RWDD2A: variants seen among roughly 807,000 people sequenced by gnomAD.
RWDD2A encodes RWD domain-containing protein 2A.
A neutral mutation model predicts 23.1 loss-of-function variants in RWDD2A; 15 were observed. That is an observed-to-expected ratio of 0.65 (90% CI 0.43 to 1.00). RWDD2A has a LOEUF of 1.00. Ranked by LOEUF, RWDD2A falls within the 50% of genes least tolerant of loss-of-function variation. The pLI is 0.00. For synonymous variants in RWDD2A, 103 were observed against 123.0 expected (o/e 0.84, Z 1.08); for missense variants, 310 against 341.7 (o/e 0.91, Z 0.73).
At position 83,196,761 on chromosome 6, in the gene RWDD2A, C is replaced by T. The variant is rs969600796; in HGVS notation, c.*489C>T. On this transcript the variant is annotated 3_prime_UTR_variant, in exon 3 of 3. Coordinates refer to ENST00000369724, the MANE Select transcript of RWDD2A (RefSeq NM_033411.5). The stretch of plus-strand genomic sequence containing the variant: ...TTTTTGAGACGGTGCGATCTCGGCT[C>T]ACTGCATCCTCAGCTTCCCAGGTTC... The T allele has an allele frequency of 2.6e-5, 4 of 152,252 alleles. No homozygotes were observed. Among genetic ancestry groups the T allele is most frequent in the African/African-American group, 9.7e-5 (4 of 41,420 alleles). The allele number at this position is 152,252 out of a possible 1,614,324, so 9.4% of individuals were successfully genotyped here. A position where few individuals can be genotyped will look rare whatever the true frequency, so the allele number is the denominator to read the frequency against.
At position 83,194,560 on chromosome 6, in the gene RWDD2A, C is replaced by T. The variant is rs1583311765; in HGVS notation, c.109C>T (p.Leu37=). 1 of 1,614,062 alleles carries T rather than the reference C, an allele frequency of 6.2e-7. No homozygotes were observed. The highest frequency in any genetic ancestry group is 8.5e-7 in the Non-Finnish European group (1 of 1,180,000). ...AGTAAAACTTGAAGATGTAAATGCC[C>T]TGACGAATATAAAGAGGTATTTGGA... is the stretch of plus-strand genomic sequence containing the variant. ...GEVKLEDVNA[L]TNIKRYLEGT... is the part of the protein sequence containing the mutation. Residue 37 remains leucine (L), a synonymous_variant, in exon 2 of 3, where the codon CTG becomes TTG. Coordinates refer to ENST00000369724, the MANE Select transcript of RWDD2A (RefSeq NM_033411.5).
rs1252483575 is a variant in RWDD2A at position 83,196,057 on chromosome 6, A to G, written c.664A>G (p.Lys222Glu). ...RYPNWKHISC[K>E]HAESVETEGN... ...CCCCAATTGGAAGCACATTTCCTGT[A>G]AGCATGCTGAAAGCGTGGAGACAGA... Residue 222 changes from lysine to glutamate, a missense_variant, in exon 3 of 3, where the codon AAG (lysine) becomes GAG (glutamate). Coordinates refer to ENST00000369724, the MANE Select transcript of RWDD2A (RefSeq NM_033411.5). The G allele has an allele frequency of 6.2e-7, 1 of 1,613,736 alleles. No individual in the cohort carries two copies. Among genetic ancestry groups the G allele is most frequent in the Non-Finnish European group, 8.5e-7 (1 of 1,179,730 alleles).
chr6:83,194,579 A>T lies in RWDD2A; in HGVS notation c.128A>T (p.Tyr43Phe). 6.2e-7 allele frequency: 1 copy of T among 1,614,200 alleles called. No individual in the cohort carries two copies. Among genetic ancestry groups the T allele is most frequent in the Non-Finnish European group, 8.5e-7 (1 of 1,180,022 alleles). Residue 43 changes from tyrosine to phenylalanine, a missense_variant, in exon 2 of 3, where the codon TAT becomes TTT. Coordinates refer to ENST00000369724, the MANE Select transcript of RWDD2A (RefSeq NM_033411.5). ...DVNALTNIKR[Y>F]LEGTREALPP... Reference sequence around the variant, plus strand: ...AATGCCCTGACGAATATAAAGAGGTATTTGGAAGGCACAAGGGAGGCGCTG... The same window carrying T: ...AATGCCCTGACGAATATAAAGAGGTTTTTGGAAGGCACAAGGGAGGCGCTG...
Position 83,194,316 on chromosome 6 carries a change from C to G in RWDD2A, c.-136C>G, listed in dbSNP as rs1368561709. ...GTGTCTGGTTTGTGCCCCTAGCTCT[C>G]GGTGCAAAGCGTTCCTGCAGAATTG... is the stretch of plus-strand genomic sequence containing the variant. On this transcript the variant is annotated 5_prime_UTR_variant, in exon 2 of 3. Coordinates refer to ENST00000369724, the MANE Select transcript of RWDD2A (RefSeq NM_033411.5). 1.5e-6 allele frequency: 1 copy of G among 681,176 alleles called. No individual in the cohort carries two copies. The allele number at this position is 681,176 out of a possible 1,614,324, so 42.2% of individuals were successfully genotyped here.
Position 83,196,105 on chromosome 6 carries a change from C to A in RWDD2A, c.712C>A (p.Leu238Ile), listed in dbSNP as rs775824036. Residue 238 changes from leucine to isoleucine, a missense_variant, in exon 3 of 3, where the codon CTT becomes ATT. Physicochemically the swap from Leu to Ile is conservative, Grantham distance 5. Coordinates refer to ENST00000369724, the MANE Select transcript of RWDD2A (RefSeq NM_033411.5). ...ETEGNGEDLR[L>I]FHSFEELLLE... Reference sequence around the variant, plus strand: ...AGAAGGAAATGGTGAGGACCTGCGCCTTTTCCATTCTTTTGAAGAGTTACT... The same window carrying A: ...AGAAGGAAATGGTGAGGACCTGCGCATTTTCCATTCTTTTGAAGAGTTACT... The A allele has an allele frequency of 6.2e-7, 1 of 1,613,716 alleles. No individual in the cohort carries two copies. Among genetic ancestry groups the A allele is most frequent in the Non-Finnish European group, 8.5e-7 (1 of 1,179,890 alleles).
chr6:83,194,558 C>T lies in RWDD2A; in HGVS notation c.107C>T (p.Ala36Val). Residue 36 changes from alanine (A) to valine (V), a missense_variant, in exon 2 of 3, where the codon GCC becomes GTC. Physicochemically the swap from Ala to Val is moderately conservative, Grantham distance 64 (BLOSUM62 0). Transcript: ENST00000369724. The part of the protein sequence containing the change: ...QGEVKLEDVN[A>V]LTNIKRYLEG... ...GAAGTAAAACTTGAAGATGTAAATG[C>T]CCTGACGAATATAAAGAGGTATTTG... 1 of 1,614,006 alleles carries T rather than the reference C, an allele frequency of 6.2e-7. No homozygotes were observed. Among genetic ancestry groups the T allele is most frequent in the Non-Finnish European group, 8.5e-7 (1 of 1,179,970 alleles).
At chr6:83,195,271 G>A (rs1789525108) in intron 2 of RWDD2A, among the ~76,000 whole-genome samples, 2 of 152,128 alleles carry the variant, frequency 1.3e-5, no homozygotes, top group South Asian at 4.1e-4. Context: ...ACTTTTCCAT[G>A]GTAATGCTTT....
rs1226363959 is a variant in RWDD2A, at chr6:83,194,659, A to G, written c.201+7A>G. The G allele has an allele frequency of 6.2e-7, 1 of 1,610,926 alleles. No individual in the cohort carries two copies. Among genetic ancestry groups the G allele is most frequent in the Non-Finnish European group, 8.5e-7 (1 of 1,178,296 alleles). Reference sequence around the variant, plus strand: ...CCAGATTGAAGAGCCCAAGGTAGGTACCCTGATTTAAGTGTTTGCCAGGTG... The same window carrying G: ...CCAGATTGAAGAGCCCAAGGTAGGTGCCCTGATTTAAGTGTTTGCCAGGTG... On this transcript the variant is annotated splice_region_variant and intron_variant, in intron 2 of 2. Coordinates refer to ENST00000369724, the MANE Select transcript of RWDD2A (RefSeq NM_033411.5).
chr6:83,198,389 T>G lies in RWDD2A; in HGVS notation c.*2117T>G, dbSNP rs1228874031. The stretch of plus-strand genomic sequence containing the variant: ...TCTAATTTGAGCATTCTGCAATACT[T>G]TTTTTCCTATCAGGAAAACTAATGC... On this transcript the variant is annotated 3_prime_UTR_variant, in exon 3 of 3. Coordinates refer to ENST00000369724, the MANE Select transcript of RWDD2A (RefSeq NM_033411.5). 6.6e-6 allele frequency: 1 copy of G among 152,166 alleles called. No homozygotes were observed. 9.4% of individuals were successfully genotyped at this position (152,166 alleles called of 1,614,324 possible). A position where few individuals can be genotyped will look rare whatever the true frequency, so the allele number is the denominator to read the frequency against.
rs1789440072 is a variant in RWDD2A at position 83,194,163 on chromosome 6, CT to C, written c.-140-148del. ...ACACCTGTTGAAAGTGCAGATTCCC[CT>C]ATCTAGTGCGGGGTGCGGGAGGCGG... On this transcript the variant is annotated intron_variant, in intron 1 of 2. Coordinates refer to ENST00000369724, the MANE Select transcript of RWDD2A (RefSeq NM_033411.5). The C allele has an allele frequency of 6.1e-5, 20 of 327,890 alleles. No individual in the cohort carries two copies. In the South Asian group the frequency reaches 9.6e-4, roughly 16 times the overall value. 20.3% of individuals were successfully genotyped at this position (327,890 alleles called of 1,614,324 possible).
At chr6:83,195,563 G>A in intron 2 of RWDD2A, 32 bp from the exon 3 acceptor site, 4 of 1,563,592 alleles carry the variant, frequency 2.6e-6, no homozygotes, top group Non-Finnish European at 3.5e-6. Context: ...GTGATGTTAT[G>A]GTATTTAAAT....
chr6:83,195,562 TG>T, intron 2 of RWDD2A, 32 bp from the exon 3 acceptor site: 1 of 1,561,846 alleles, frequency 6.4e-7, no homozygotes, highest in Non-Finnish European at 8.8e-7. Flanking sequence ...TGTGATGTTA[TG>T]GTATTTAAAT....
In RWDD2A at chr6:83,194,564, CGA is replaced by C. The variant is rs1789476330; in HGVS notation, c.114_115del (p.Asn39TyrfsTer25). 2.5e-6 allele frequency: 4 copies of C among 1,613,880 alleles called. No individual in the cohort carries two copies. In the African/African-American group the frequency reaches 5.3e-5, roughly 22 times the overall value. The stretch of plus-strand genomic sequence containing the variant: ...AAACTTGAAGATGTAAATGCCCTGA[CGA>C]ATATAAAGAGGTATTTGGAAGGCAC... On this transcript the variant is annotated frameshift_variant, in exon 2 of 3. Coordinates refer to ENST00000369724, the MANE Select transcript of RWDD2A (RefSeq NM_033411.5). LOFTEE classifies it high-confidence loss of function.
At chr6:83,195,535 A>T in intron 2 of RWDD2A, 60 bp from the exon 3 acceptor site, 1 of 1,391,086 alleles carries the variant, frequency 7.2e-7, no homozygotes, top group Admixed American at 1.9e-5. Context: ...TGCAGTTGCT[A>T]TTGATAAACT....
chr6:83,194,882 C>G (rs534118620), intron 2 of RWDD2A, among the ~76,000 whole-genome samples: 1 of 152,280 alleles, frequency 6.6e-6, no homozygotes, highest in East Asian at 1.9e-4. Flanking sequence ...ATCTTGCAGT[C>G]TTATGCCATT....
At chr6:83,194,725 T>G (rs1026113097) in intron 2 of RWDD2A, 73 bp downstream of exon 2, 1 of 1,104,540 alleles carries the variant, frequency 9.1e-7, no homozygotes. Flanking sequence ...GAGCTTTCTG[T>G]CAAGGAAAGA....
intron 1 of RWDD2A, 104 bp from the exon 2 acceptor site, chr6:83,194,208 C>A: frequency 2.4e-6 from 1 of 417,984 alleles, no homozygotes; most frequent in Non-Finnish European, 4.3e-6. Flanking sequence ...AGCCCGGGTA[C>A]GCAGAATATG....
chr6:83,194,360 T>G lies in RWDD2A; in HGVS notation c.-92T>G. On this transcript the variant is annotated 5_prime_UTR_variant, in exon 2 of 3. Coordinates refer to ENST00000369724, the MANE Select transcript of RWDD2A (RefSeq NM_033411.5). ...AGAATTGCTTCCACGTAAAGGGACC[T>G]TCGGGAAATTTCGCTGGATACCGGC... The G allele has an allele frequency of 1.7e-6, 2 of 1,182,732 alleles. No homozygotes were observed. The highest frequency in any genetic ancestry group is 1.2e-6 in the Non-Finnish European group (1 of 841,378). The allele number at this position is 1,182,732 out of a possible 1,614,324, so 73.3% of individuals were successfully genotyped here. A position where few individuals can be genotyped will look rare whatever the true frequency, so the allele number is the denominator to read the frequency against.
chr6:83,194,559 C>T lies in RWDD2A; in HGVS notation c.108C>T (p.Ala36=). 1 of 1,613,906 alleles carries T rather than the reference C, an allele frequency of 6.2e-7. No individual in the cohort carries two copies. The highest frequency in any genetic ancestry group is 8.5e-7 in the Non-Finnish European group (1 of 1,179,984). The part of the protein sequence containing the change: ...QGEVKLEDVN[A]LTNIKRYLEG... ...AAGTAAAACTTGAAGATGTAAATGC[C>T]CTGACGAATATAAAGAGGTATTTGG... The change falls in exon 2 of 3, where the codon GCC becomes GCT. Residue 36 remains alanine (A), a synonymous_variant. Transcript: ENST00000369724.
Sources: allele counts gnomAD v4.1 joint callset (sites outside exome capture counted in the v4.1 genomes callset), GRCh38; gene constraint gnomAD v4.1.1; transcripts MANE v1.5; gene names NCBI Gene and HGNC (gene_info 2026-07-23, HGNC 2026-07-21).